Variants in NPAS3 observed in about 807,000 individuals in gnomAD.
NPAS3 encodes the protein neuronal PAS domain-containing protein 3.
A neutral mutation model predicts 73.1 loss-of-function variants in NPAS3; 14 were observed. The ratio of observed to expected loss-of-function variants is 0.19; its 90% CI spans 0.13 to 0.30. The LOEUF (loss-of-function observed/expected upper bound fraction) is 0.30, where lower values mean the gene tolerates loss of function less well. Among genes scored for constraint, NPAS3 ranks in the 10% least tolerant of loss-of-function variants. The pLI is 1.00. For synonymous variants in NPAS3, 620 were observed against 541.5 expected (o/e 1.14, Z -2.01); for missense variants, 1,096 against 1,250.0 (o/e 0.88, Z 1.86).
chr14:33,085,325 G>A (rs2041987433), intron 2 of NPAS3, among the ~76,000 whole-genome samples: 1 of 152,316 alleles, frequency 6.6e-6, no homozygotes. Flanking sequence ...TATCTGGAAT[G>A]TTCTGTCCTG....
intron 7 of NPAS3, among the ~76,000 whole-genome samples, chr14:33,771,612 C>A (rs569123694): frequency 6.6e-6 from 1 of 152,144 alleles, no homozygotes; most frequent in East Asian, 1.9e-4. Flanking sequence ...GAGATTGAGA[C>A]CATCCTGGCT....
intron 3 of NPAS3, among the ~76,000 whole-genome samples, chr14:33,268,889 C>A (rs2040943108): frequency 6.6e-6 from 1 of 152,170 alleles, no homozygotes; most frequent in African/African-American, 2.4e-5. Context: ...AGGAGGAAGG[C>A]AGTCCTGGAA....
At chr14:33,374,172 C>T (rs965817024) in intron 4 of NPAS3, among the ~76,000 whole-genome samples, 2 of 152,096 alleles carry the variant, frequency 1.3e-5, no homozygotes, top group East Asian at 3.9e-4. Flanking sequence ...ATGTTGTCAA[C>T]CTCAGTGAGC....
At position 33,286,667 on chromosome 14, in the gene NPAS3, C is replaced by CT. The variant is rs947381578; in HGVS notation, c.385+71251dup. ...ATGAATGTGAGGGCTTTTCTTGGCA[C>CT]TTTTTTTTTTAAATCAAAAGTTGGC... On this transcript the variant is annotated intron_variant, in intron 3 of 11. Transcript: ENST00000356141. 7.3e-4 allele frequency among the ~76,000 whole-genome samples: 109 copies of CT among 148,738 alleles called. 3 individuals are homozygous for CT. In the East Asian group the frequency reaches 0.015, roughly 20 times the overall value.
At chr14:32,984,449 A>G (rs960478382) in intron 1 of NPAS3, among the ~76,000 whole-genome samples, 17 of 152,254 alleles carry the variant, frequency 1.1e-4, no homozygotes, top group African/African-American at 4.1e-4. Context: ...TGTAACAGAG[A>G]TCTGGTTTTT....
Position 33,271,878 on chromosome 14 carries a change from C to G in NPAS3, c.385+56452C>G, listed in dbSNP as rs568417393. ...TGTAATCTGAAATAAAGGATGGGCT[C>G]TTGAATGATCCTTAATGACTTTTTC... On this transcript the variant is annotated intron_variant, in intron 3 of 11. Transcript: ENST00000356141. 1.6e-4 allele frequency among the ~76,000 whole-genome samples: 24 copies of G among 151,960 alleles called. No homozygotes were observed. The South Asian group carries it at 5.0e-3, about 32-fold the overall frequency.
chr14:33,282,099 C>T (rs932764151), intron 3 of NPAS3, among the ~76,000 whole-genome samples: 10 of 152,252 alleles, frequency 6.6e-5, no homozygotes, highest in Admixed American at 2.6e-4. Flanking sequence ...AATGCTAAAG[C>T]CAGTCTATTT....
chr14:33,195,999 A>G (rs1452505516), intron 2 of NPAS3, among the ~76,000 whole-genome samples: 1 of 152,242 alleles, frequency 6.6e-6, no homozygotes, highest in Non-Finnish European at 1.5e-5. Flanking sequence ...TCAAATGGAA[A>G]GATGTCCTAG....
At chr14:33,113,825 A>G (rs1249864411) in intron 2 of NPAS3, among the ~76,000 whole-genome samples, 3 of 152,084 alleles carry the variant, frequency 2.0e-5, no homozygotes, top group Admixed American at 6.6e-5. Flanking sequence ...AGCTCTTATT[A>G]TTTTGAGATA....
At chr14:33,709,619 G>C (rs2060760737) in intron 6 of NPAS3, among the ~76,000 whole-genome samples, 1 of 152,120 alleles carries the variant, frequency 6.6e-6, no homozygotes, top group South Asian at 2.1e-4. Context: ...ATCCATTATT[G>C]AGTTTGATTC....
chr14:33,357,975 G>C (rs1166514704), intron 3 of NPAS3, among the ~76,000 whole-genome samples: 1 of 152,202 alleles, frequency 6.6e-6, no homozygotes, highest in East Asian at 1.9e-4. Flanking sequence ...CATGACTCCA[G>C]AACCCCAATC....
intron 7 of NPAS3, among the ~76,000 whole-genome samples, chr14:33,739,792 A>C (rs2061611164): frequency 6.6e-6 from 1 of 152,206 alleles, no homozygotes; most frequent in Non-Finnish European, 1.5e-5. Context: ...AAGTTAGTGC[A>C]TCTTCCAGAA....
intron 2 of NPAS3, among the ~76,000 whole-genome samples, chr14:33,103,390 T>C (rs543893153): frequency 6.6e-6 from 1 of 152,166 alleles, no homozygotes; most frequent in Non-Finnish European, 1.5e-5. Flanking sequence ...TCAACCTTCA[T>C]GTGCTGTTCT....
At chr14:33,654,361 A>G (rs576023975) in intron 5 of NPAS3, among the ~76,000 whole-genome samples, 4 of 152,304 alleles carry the variant, frequency 2.6e-5, no homozygotes, top group African/African-American at 9.6e-5. Flanking sequence ...GAAGAATTGA[A>G]ATTGTATTAA....
intron 4 of NPAS3, among the ~76,000 whole-genome samples, chr14:33,479,990 T>C (rs2051235910): frequency 6.6e-6 from 1 of 152,152 alleles, no homozygotes; most frequent in Non-Finnish European, 1.5e-5. Context: ...GAGATTGTTT[T>C]CCCCTTTTTC....
At chr14:33,730,770 G>T (rs139060266) in intron 6 of NPAS3, among the ~76,000 whole-genome samples, 2 of 152,286 alleles carry the variant, frequency 1.3e-5, no homozygotes, top group African/African-American at 4.8e-5. Context: ...TTCTAGCAAG[G>T]CTGACAGCAT....
chr14:33,800,841 T>G lies in NPAS3; in HGVS notation c.2534T>G (p.Leu845Arg), dbSNP rs781454689. 1 of 1,604,272 alleles carries G rather than the reference T, an allele frequency of 6.2e-7. No homozygotes were observed. The highest frequency in any genetic ancestry group is 1.1e-5 in the South Asian group (1 of 88,830). ...ACCCTGGCCATGCAGAGCAACCTGC[T>G]GCCCAACGCGCACGCTGTTAACTTC... Residue 845 changes from leucine (L) to arginine (R), a missense_variant, in exon 12 of 12, where the codon CTG (leucine) becomes CGG (arginine). Around this residue, in one of 5 missense-constraint regions of NPAS3, gnomAD observed 698 missense variants for 676.7 expected, o/e 1.03. Coordinates refer to ENST00000356141, the Ensembl canonical transcript of NPAS3. The surrounding 1 kb of genome is among the most constrained non-coding windows in gnomAD (Gnocchi z 6.5).
chr14:33,527,644 A>G (rs2053861049), intron 4 of NPAS3, among the ~76,000 whole-genome samples: 1 of 152,164 alleles, frequency 6.6e-6, no homozygotes, highest in Non-Finnish European at 1.5e-5. Context: ...GAAAATCAGG[A>G]TTTATATATG....
chr14:33,175,575 T>TG (rs1228561105), intron 2 of NPAS3, among the ~76,000 whole-genome samples: 17 of 152,218 alleles, frequency 1.1e-4, no homozygotes, highest in Non-Finnish European at 2.2e-4. Context: ...ATTAACTTTT[T>TG]GGCATAGTGA....
Sources: allele counts gnomAD v4.1 joint callset (sites outside exome capture counted in the v4.1 genomes callset), GRCh38; gene constraint gnomAD v4.1.1; regional missense constraint gnomAD v4.1.1; non-coding constraint Gnocchi (gnomAD v3.1); transcripts MANE v1.5; gene names NCBI Gene and HGNC (gene_info 2026-07-23, HGNC 2026-07-21).